KHDRBS2: variants seen among roughly 807,000 people sequenced by gnomAD.
KHDRBS2 encodes KH RNA binding domain containing, signal transduction associated 2.
KHDRBS2 carries 26 observed loss-of-function variants against 44.3 expected under a neutral mutation model. That is an observed-to-expected ratio of 0.59 (90% CI 0.43 to 0.81). The LOEUF (loss-of-function observed/expected upper bound fraction) is 0.81. Ranked by LOEUF, KHDRBS2 falls within the 40% of genes least tolerant of loss-of-function variation. KHDRBS2 has a pLI of 0.00. For missense variants in KHDRBS2, 476 were observed against 433.1 expected, an observed-to-expected ratio of 1.10 and a Z score of -0.88; for synonymous variants, 194 against 151.1, an observed-to-expected ratio of 1.28 and a Z score of -2.08.
intron 3 of KHDRBS2, among the ~76,000 whole-genome samples, chr6:62,046,145 A>C (rs888639958): frequency 6.6e-6 from 1 of 151,942 alleles, no homozygotes; most frequent in Admixed American, 6.6e-5. Flanking sequence ...AGTAACAGGT[A>C]ATATTAGTAA....
intron 6 of KHDRBS2, among the ~76,000 whole-genome samples, chr6:61,864,670 C>T (rs922539501): frequency 2.6e-5 from 4 of 152,060 alleles, no homozygotes; most frequent in Admixed American, 2.0e-4. Flanking sequence ...GGTGACCTGG[C>T]CTTTCTCTCT....
In KHDRBS2 at chr6:62,209,503, T is replaced by G. The variant is rs1828646617; in HGVS notation, c.92-32191A>C. On this transcript the variant is annotated intron_variant, in intron 1 of 8. Coordinates refer to ENST00000281156, the MANE Select transcript of KHDRBS2 (RefSeq NM_152688.4). ...CACACACATACCCGTCACTACCATG[T>G]TACCATTATAAATTGAGAATGCTAC... is the stretch of plus-strand genomic sequence containing the variant. Among the ~76,000 whole-genome samples, 2 of 152,214 alleles carry G rather than the reference T, an allele frequency of 1.3e-5. 1 individual carries two copies. Among genetic ancestry groups the G allele is most frequent in the South Asian group, 4.1e-4 (2 of 4,832 alleles).
chr6:62,062,937 T>C lies in KHDRBS2; in HGVS notation c.220-14943A>G, dbSNP rs1475522357. ...ATCAAATAGACGCAATAAAAAATGATAAAGGGGATATCACCACCGATCCCA... is the reference window on the plus strand; with the variant it reads ...ATCAAATAGACGCAATAAAAAATGACAAAGGGGATATCACCACCGATCCCA... On this transcript the variant is annotated intron_variant, in intron 2 of 8. Transcript: ENST00000281156. Among the ~76,000 whole-genome samples, 16 of 149,988 alleles carry C rather than the reference T, an allele frequency of 1.1e-4. No homozygotes were observed. The East Asian group carries it at 3.0e-3, about 28-fold the overall frequency.
chr6:62,162,379 T>C (rs1236097530), intron 2 of KHDRBS2, among the ~76,000 whole-genome samples: 1 of 152,058 alleles, frequency 6.6e-6, no homozygotes, highest in African/African-American at 2.4e-5. Flanking sequence ...GTATTTTCAT[T>C]TTAGCACTTG....
the KHDRBS2 span, among the ~76,000 whole-genome samples, chr6:61,546,293 A>G: frequency 2.2e-3 from 342 of 152,108 alleles, no homozygotes; most frequent in Admixed American, 3.4e-3. Context: ...AATAGAATGT[A>G]AAAAATAACA....
chr6:61,569,190 A>G, the KHDRBS2 span, among the ~76,000 whole-genome samples: 13 of 152,142 alleles, frequency 8.5e-5, no homozygotes, highest in Admixed American at 7.9e-4. Flanking sequence ...ACATAACTCC[A>G]TGGGTCTGAG....
chr6:61,985,503 A>G (rs1172363985), intron 3 of KHDRBS2, among the ~76,000 whole-genome samples: 1 of 152,144 alleles, frequency 6.6e-6, no homozygotes, highest in Admixed American at 6.5e-5. Flanking sequence ...TTCGTACGCA[A>G]AAGAAGAGGA....
chr6:61,586,951 AAAC>A, the KHDRBS2 span, among the ~76,000 whole-genome samples: 1 of 152,190 alleles, frequency 6.6e-6, no homozygotes, highest in African/African-American at 2.4e-5. Context: ...ATACATGAGA[AAAC>A]TTGTTCAAAT....
At chr6:61,758,014 C>A (rs1230613756) in intron 6 of KHDRBS2, among the ~76,000 whole-genome samples, 1 of 152,140 alleles carries the variant, frequency 6.6e-6, no homozygotes, top group Non-Finnish European at 1.5e-5. Context: ...ACCTGGAATT[C>A]TCTCCTTGTG....
intron 2 of KHDRBS2, among the ~76,000 whole-genome samples, chr6:62,092,314 A>G (rs1799642541): frequency 6.6e-6 from 1 of 152,164 alleles, no homozygotes; most frequent in African/African-American, 2.4e-5. Flanking sequence ...TATTCTTGAG[A>G]GTAGAAATAC....
chr6:62,227,134 T>C (rs1391518487), intron 1 of KHDRBS2, among the ~76,000 whole-genome samples: 2 of 152,242 alleles, frequency 1.3e-5, no homozygotes, highest in African/African-American at 2.4e-5. Flanking sequence ...TTTCACATTA[T>C]TGATTCTTCC....
chr6:61,584,603 T>TTAGG, the KHDRBS2 span, among the ~76,000 whole-genome samples: 1 of 151,858 alleles, frequency 6.6e-6, no homozygotes, highest in Non-Finnish European at 1.5e-5. Flanking sequence ...TTTTAAGGAT[T>TTAGG]TAGGCATCTA....
intron 4 of KHDRBS2, among the ~76,000 whole-genome samples, chr6:61,923,579 T>A (rs1025557709): frequency 6.6e-6 from 1 of 152,060 alleles, no homozygotes; most frequent in African/African-American, 2.4e-5. Context: ...AAAAACCACA[T>A]AATAATCTCA....
intron 2 of KHDRBS2, among the ~76,000 whole-genome samples, chr6:62,064,284 A>G (rs1264373723): frequency 1.3e-5 from 2 of 149,996 alleles, no homozygotes; most frequent in East Asian, 3.9e-4. Context: ...AAACTACTTT[A>G]AAGTTCATAT....
At chr6:61,581,401 T>G in the KHDRBS2 span, among the ~76,000 whole-genome samples, 1 of 151,810 alleles carries the variant, frequency 6.6e-6, no homozygotes, top group Non-Finnish European at 1.5e-5. Flanking sequence ...TTAAGCAATA[T>G]ATGGCTAAAT....
chr6:61,639,158 CTA>C, the KHDRBS2 span, among the ~76,000 whole-genome samples: 1 of 152,078 alleles, frequency 6.6e-6, no homozygotes, highest in Non-Finnish European at 1.5e-5. Context: ...AATTAAATAT[CTA>C]TGTTTACATA....
In KHDRBS2 at chr6:61,695,502, A is replaced by C. The variant is rs558703578; in HGVS notation, c.952+1693T>G. Reference sequence around the variant, plus strand: ...TTCTGCAATTGCTAATCCTTATTATAAAATGCTTAGTACAGAGCCATAATA... The same window carrying C: ...TTCTGCAATTGCTAATCCTTATTATCAAATGCTTAGTACAGAGCCATAATA... On this transcript the variant is annotated intron_variant, in intron 8 of 8. Transcript: ENST00000281156. Among the ~76,000 whole-genome samples the C allele has an allele frequency of 8.5e-5, 13 of 152,266 alleles. No individual in the cohort carries two copies. In the South Asian group the frequency reaches 1.2e-3, roughly 15 times the overall value.
the KHDRBS2 span, among the ~76,000 whole-genome samples, chr6:61,596,630 A>C: frequency 6.6e-6 from 1 of 151,856 alleles, no homozygotes; most frequent in Non-Finnish European, 1.5e-5. Flanking sequence ...CTACATTTGT[A>C]CTTCTTTTTT....
intron 1 of KHDRBS2, among the ~76,000 whole-genome samples, chr6:62,280,351 G>A (rs1841627801): frequency 6.6e-6 from 1 of 152,084 alleles, no homozygotes; most frequent in Non-Finnish European, 1.5e-5. Context: ...GGGAAATGAA[G>A]GATGATGAGG....
Sources: allele counts gnomAD v4.1 joint callset (sites outside exome capture counted in the v4.1 genomes callset), GRCh38; gene constraint gnomAD v4.1.1; transcripts MANE v1.5; gene names NCBI Gene and HGNC (gene_info 2026-07-23, HGNC 2026-07-21).